Variants in VWA3B observed in about 807,000 individuals in gnomAD.
VWA3B encodes von Willebrand factor A domain-containing protein 3B.
VWA3B carries 138 observed loss-of-function variants against 158.3 expected under a neutral mutation model. The ratio of observed to expected loss-of-function variants is 0.87; its 90% CI spans 0.76 to 1.00. VWA3B has a LOEUF of 1.00. Among genes scored for constraint, VWA3B ranks in the 50% least tolerant of loss-of-function variants. The pLI is 0.00. For missense variants in VWA3B, 1,555 were observed against 1,565.1 expected, an observed-to-expected ratio of 0.99 and a Z score of 0.11; for synonymous variants, 596 against 587.3, an observed-to-expected ratio of 1.01 and a Z score of -0.21.
At position 98,132,162 on chromosome 2, in the gene VWA3B, G is replaced by A. The variant is rs374361873; in HGVS notation, c.873-1662G>A. Among the ~76,000 whole-genome samples, 13 of 152,352 alleles carry A rather than the reference G, an allele frequency of 8.5e-5. No homozygotes were observed. The East Asian group carries it at 1.5e-3, about 18-fold the overall frequency. On this transcript the variant is annotated intron_variant, in intron 6 of 27. Transcript: ENST00000477737. The stretch of plus-strand genomic sequence containing the variant: ...AGAAGCTGTGGTTCAGCTACCTAAC[G>A]AGGCCATGCAGCCATGGAGGTGGGT...
rs190258267 is a variant in VWA3B, at chr2:98,220,144, A to G, written c.2019+2116A>G. Among the ~76,000 whole-genome samples, 3 of 142,348 alleles carry G rather than the reference A, an allele frequency of 2.1e-5. No homozygotes were observed. In the East Asian group the frequency reaches 6.4e-4, roughly 30 times the overall value. The allele number at this position is 142,348 out of a possible 152,430, so 93.4% of individuals were successfully genotyped here. On this transcript the variant is annotated intron_variant, in intron 14 of 27. Coordinates refer to ENST00000477737, the MANE Select transcript of VWA3B (RefSeq NM_144992.5). ...ACACCACTGTACTCCAGCCTGGGTG[A>G]CAGAGTGAGAACCTGTCTCATAAAA...
At chr2:98,293,338 A>G (rs1311388920) in intron 23 of VWA3B, among the ~76,000 whole-genome samples, 5 of 152,242 alleles carry the variant, frequency 3.3e-5, no homozygotes, top group African/African-American at 1.2e-4. Context: ...ATTTAGTCAT[A>G]TAAGCGGTAA....
At chr2:98,115,940 T>C (rs1674500536) in intron 3 of VWA3B, among the ~76,000 whole-genome samples, 194 bp downstream of exon 3, 1 of 152,182 alleles carries the variant, frequency 6.6e-6, no homozygotes, top group South Asian at 2.1e-4. Context: ...TTTGATCCAT[T>C]AGAAATTAGT....
In VWA3B at chr2:98,138,516, C is replaced by T. The variant is rs186260612; in HGVS notation, c.988+4577C>T. Among the ~76,000 whole-genome samples, 389 of 152,308 alleles carry T rather than the reference C, an allele frequency of 2.6e-3. 4 individuals are homozygous for T. Among genetic ancestry groups the T allele is most frequent in the Middle Eastern group, 0.014 (4 of 292 alleles). Reference sequence around the variant, plus strand: ...GCAGAATTCCTGTTTTTCCCTGCTGCGTATGCCCCCTGAGCCCAGGAAGCA... The same window carrying T: ...GCAGAATTCCTGTTTTTCCCTGCTGTGTATGCCCCCTGAGCCCAGGAAGCA... On this transcript the variant is annotated intron_variant, in intron 7 of 27. Transcript: ENST00000477737.
At chr2:98,174,988 C>T (rs932883420) in intron 8 of VWA3B, among the ~76,000 whole-genome samples, 17 of 152,292 alleles carry the variant, frequency 1.1e-4, no homozygotes, top group African/African-American at 3.4e-4. Flanking sequence ...GCAGATTTTA[C>T]AGAATTCAGG....
chr2:98,283,737 G>A (rs1689011375), intron 22 of VWA3B, among the ~76,000 whole-genome samples: 1 of 151,682 alleles, frequency 6.6e-6, no homozygotes, highest in Non-Finnish European at 1.5e-5. Flanking sequence ...GTGTAGATTA[G>A]CCCCTCCTAA....
Position 98,236,642 on chromosome 2 carries a change from T to C in VWA3B, c.2585T>C (p.Met862Thr). Residue 862 changes from methionine (M) to threonine (T), a missense_variant, in exon 19 of 28, where the codon ATG becomes ACG. By Grantham distance (81) the Met-to-Thr change is moderately conservative. Transcript: ENST00000477737. ...TTGGTCGCCAAGAAACTCACCCTCA[T>C]GGATGCCTTGTCAGTGGCAGCAGTC... ...YGLVAKKLTL[M>T]DALSVAAVPH... 6.2e-7 allele frequency: 1 copy of C among 1,614,198 alleles called. No homozygotes were observed. The highest frequency in any genetic ancestry group is 8.5e-7 in the Non-Finnish European group (1 of 1,180,034).
chr2:98,300,775 T>C (rs1016656988), intron 25 of VWA3B, among the ~76,000 whole-genome samples: 21 of 152,046 alleles, frequency 1.4e-4, no homozygotes, highest in African/African-American at 4.8e-4. Flanking sequence ...GAGCACTCCC[T>C]CAGAGTGAAC....
At chr2:98,159,337 T>C (rs1678372904) in intron 7 of VWA3B, among the ~76,000 whole-genome samples, 1 of 152,112 alleles carries the variant, frequency 6.6e-6, no homozygotes, top group Admixed American at 6.5e-5. Context: ...CAACCTCTGC[T>C]TCCCAGGTTC....
At chr2:98,122,612 A>G (rs1186161244) in intron 5 of VWA3B, among the ~76,000 whole-genome samples, 1 of 152,242 alleles carries the variant, frequency 6.6e-6, no homozygotes, top group Non-Finnish European at 1.5e-5. Flanking sequence ...GCATTCAAAA[A>G]AATGGAACAT....
chr2:98,308,166 T>C (rs1690644471), intron 26 of VWA3B, among the ~76,000 whole-genome samples: 1 of 152,232 alleles, frequency 6.6e-6, no homozygotes, highest in Non-Finnish European at 1.5e-5. Flanking sequence ...AATTCCAGAC[T>C]ACTCATTCCT....
intron 7 of VWA3B, among the ~76,000 whole-genome samples, chr2:98,149,393 G>C (rs1417201788): frequency 6.6e-6 from 1 of 152,192 alleles, no homozygotes; most frequent in African/African-American, 2.4e-5. Context: ...GCTGAGCATA[G>C]GGGCTCCAGA....
intron 12 of VWA3B, chr2:98,207,564 C>A: frequency 1.9e-6 from 1 of 519,288 alleles, no homozygotes; most frequent in South Asian, 1.4e-5. Context: ...CTGCTGAGGT[C>A]ATCACAGGTC....
chr2:98,163,598 A>C lies in VWA3B; in HGVS notation c.1114+622A>C, dbSNP rs562992676. ...ACAGATTCTTGACAAACTCTTGTAT[A>C]CTAAGGAAAACCAGACCTCTGTATA... On this transcript the variant is annotated intron_variant, in intron 8 of 27. Coordinates refer to ENST00000477737, the MANE Select transcript of VWA3B (RefSeq NM_144992.5). Among the ~76,000 whole-genome samples, 5 of 152,338 alleles carry C rather than the reference A, an allele frequency of 3.3e-5. No individual in the cohort carries two copies. In the East Asian group the frequency reaches 9.6e-4, roughly 29 times the overall value.
chr2:98,214,975 G>T (rs1225281397), intron 13 of VWA3B, among the ~76,000 whole-genome samples: 3 of 152,146 alleles, frequency 2.0e-5, no homozygotes, highest in African/African-American at 7.2e-5. Flanking sequence ...CGCAAGCAGG[G>T]TATTGACAAG....
At chr2:98,214,920 C>T (rs1363552803) in intron 13 of VWA3B, among the ~76,000 whole-genome samples, 2 of 152,154 alleles carry the variant, frequency 1.3e-5, no homozygotes, top group African/African-American at 4.8e-5. Context: ...TTGATTGATA[C>T]TGCCGAATAG....
At position 98,133,816 on chromosome 2, in the gene VWA3B, C is replaced by G; in HGVS notation, c.873-8C>G. The G allele has an allele frequency of 6.2e-7, 1 of 1,613,066 alleles. No homozygotes were observed. The highest frequency in any genetic ancestry group is 8.5e-7 in the Non-Finnish European group (1 of 1,179,126). On this transcript the variant is annotated splice_region_variant and splice_polypyrimidine_tract_variant and intron_variant, in intron 6 of 27. Transcript: ENST00000477737. ...TGCCTTCCTAATGAGCATCTCTTCACGTTTCAGATTCCACGCATTTGCCGA... is the reference window on the plus strand; with the variant it reads ...TGCCTTCCTAATGAGCATCTCTTCAGGTTTCAGATTCCACGCATTTGCCGA...
intron 12 of VWA3B, 91 bp downstream of exon 12, chr2:98,194,583 T>G: frequency 2.1e-5 from 31 of 1,473,086 alleles, no homozygotes; most frequent in Middle Eastern, 1.8e-4. Context: ...CTGAGAGGTG[T>G]TTTGCACTCT....
intron 13 of VWA3B, chr2:98,217,042 GC>G: frequency 8.3e-7 from 1 of 1,203,100 alleles, no homozygotes; most frequent in Non-Finnish European, 1.1e-6. Flanking sequence ...ATGTTCAAGT[GC>G]CCCAGGATGG....
Sources: allele counts gnomAD v4.1 joint callset (sites outside exome capture counted in the v4.1 genomes callset), GRCh38; gene constraint gnomAD v4.1.1; transcripts MANE v1.5; gene names NCBI Gene and HGNC (gene_info 2026-07-23, HGNC 2026-07-21).